ARHGAP35: variants seen among roughly 807,000 people sequenced by gnomAD.
ARHGAP35 encodes the protein rho GTPase-activating protein 35.
A neutral mutation model predicts 111.1 loss-of-function variants in ARHGAP35; 15 were observed. The ratio of observed to expected loss-of-function variants is 0.13; its 90% CI spans 0.09 to 0.21. The LOEUF (loss-of-function observed/expected upper bound fraction) is 0.21, where lower values mean the gene tolerates loss of function less well. ARHGAP35 is among the 10% of genes least tolerant of loss of function. The pLI is 1.00. For synonymous variants in ARHGAP35, 643 were observed against 710.3 expected (o/e 0.91, Z 1.51); for missense variants, 1,262 against 1,873.0 (o/e 0.67, Z 6.02).
At chr19:46,868,438 T>C (rs1014777904) in intron 1 of ARHGAP35, among the ~76,000 whole-genome samples, 14 of 152,350 alleles carry the variant, frequency 9.2e-5, no homozygotes, top group African/African-American at 3.4e-4. Context: ...GTCTGGCTCC[T>C]TGGGATGTGA....
At chr19:46,879,784 C>CAA (rs35769391) in intron 1 of ARHGAP35, among the ~76,000 whole-genome samples, 21 of 97,448 alleles carry the variant, frequency 2.2e-4, no homozygotes, top group East Asian at 5.5e-4. Context: ...ACTCTTGTCT[C>CAA]AAAAAAAAAA....
chr19:46,984,263 G>T (rs1367600454), intron 3 of ARHGAP35, among the ~76,000 whole-genome samples: 1 of 152,200 alleles, frequency 6.6e-6, no homozygotes, highest in Admixed American at 6.5e-5. Flanking sequence ...GTCACTGTTG[G>T]TAAGAATTCT....
chr19:46,967,625 ATCAGTGGTT>A (rs2056522946), intron 3 of ARHGAP35, among the ~76,000 whole-genome samples: 2 of 152,192 alleles, frequency 1.3e-5, no homozygotes, highest in African/African-American at 4.8e-5. Flanking sequence ...CTTAAAACTC[ATCAGTGGTT>A]CTGTATCACT....
chr19:46,971,291 A>G (rs2056546965), intron 3 of ARHGAP35, among the ~76,000 whole-genome samples: 1 of 151,754 alleles, frequency 6.6e-6, no homozygotes, highest in South Asian at 2.1e-4. Flanking sequence ...CTGTAGTCCC[A>G]GCTACTCGGG....
At chr19:46,894,790 C>T (rs547219847) in intron 1 of ARHGAP35, among the ~76,000 whole-genome samples, 28 of 152,146 alleles carry the variant, frequency 1.8e-4, no homozygotes, top group Middle Eastern at 6.8e-3. Context: ...TCTGCTGTCT[C>T]CTATGTCATG....
At chr19:46,884,747 A>G (rs1429784608) in intron 1 of ARHGAP35, among the ~76,000 whole-genome samples, 2 of 151,900 alleles carry the variant, frequency 1.3e-5, no homozygotes, top group Non-Finnish European at 2.9e-5. Context: ...TAGGCCTCCC[A>G]AAGTACTAAG....
chr19:46,898,257 A>T (rs1430816666), intron 1 of ARHGAP35, among the ~76,000 whole-genome samples: 1 of 151,574 alleles, frequency 6.6e-6, no homozygotes, highest in African/African-American at 2.4e-5. Context: ...AAAAAAAAAC[A>T]AAAAGAAGTG....
In ARHGAP35 at chr19:46,886,779, TC is replaced by T. The variant is rs1235972808; in HGVS notation, c.-189+25572del. Among the ~76,000 whole-genome samples, 7 of 135,142 alleles carry T rather than the reference TC, an allele frequency of 5.2e-5. No individual in the cohort carries two copies. The South Asian group carries it at 1.4e-3, about 27-fold the overall frequency. The allele number at this position is 135,142 out of a possible 152,430, so 88.7% of individuals were successfully genotyped here. ...GAATTTCTATCCTAATGCTTAAGAA[TC>T]CTTAGTGAAAATGTGGGAAAGAGGA... On this transcript the variant is annotated intron_variant, in intron 1 of 6. Transcript: ENST00000672722.
intron 3 of ARHGAP35, among the ~76,000 whole-genome samples, chr19:46,979,636 T>C (rs1181476720): frequency 6.6e-6 from 1 of 152,206 alleles, no homozygotes; most frequent in Non-Finnish European, 1.5e-5. Flanking sequence ...CCCCCAGACC[T>C]GGTGCGATGT....
At chr19:46,876,412 T>C (rs2055921859) in intron 1 of ARHGAP35, among the ~76,000 whole-genome samples, 2 of 151,886 alleles carry the variant, frequency 1.3e-5, no homozygotes, top group Non-Finnish European at 2.9e-5. Flanking sequence ...CTCACTCTGT[T>C]GCCCAGGCTG....
rs773156322 is a variant in ARHGAP35 at position 47,000,289 on chromosome 19, G to A, written c.4143-42G>A. The A allele has an allele frequency of 5.0e-6, 8 of 1,593,656 alleles. No individual in the cohort carries two copies. Among genetic ancestry groups the A allele is most frequent in the Middle Eastern group, 1.7e-4 (1 of 5,940 alleles). On this transcript the variant is annotated intron_variant, in intron 6 of 6. Coordinates refer to ENST00000672722, the MANE Select transcript of ARHGAP35 (RefSeq NM_004491.5). This position sits in a 1 kb window ranked among gnomAD's most constrained non-coding sequence, Gnocchi z 6.9. ...CCATGAGCGCCCAGGGCCAGGTGGG[G>A]CCCTGCACAGTTCTGACCATTGAGT... is the stretch of plus-strand genomic sequence containing the variant.
chr19:46,915,582 C>G (rs1162221670), intron 1 of ARHGAP35, among the ~76,000 whole-genome samples: 1 of 152,168 alleles, frequency 6.6e-6, no homozygotes, highest in African/African-American at 2.4e-5. Flanking sequence ...AGTGGCATTT[C>G]TTATGCAATA....
At chr19:46,883,297 G>T (rs946265293) in intron 1 of ARHGAP35, among the ~76,000 whole-genome samples, 1 of 150,302 alleles carries the variant, frequency 6.7e-6, no homozygotes, top group South Asian at 2.1e-4. Flanking sequence ...ACAGGGTTTC[G>T]CCATGTTGGC....
At chr19:46,892,431 A>T (rs1173341338) in intron 1 of ARHGAP35, among the ~76,000 whole-genome samples, 1 of 148,280 alleles carries the variant, frequency 6.7e-6, no homozygotes, top group Non-Finnish European at 1.5e-5. Flanking sequence ...TGATCACGCC[A>T]CTGTACTCCA....
intron 5 of ARHGAP35, among the ~76,000 whole-genome samples, chr19:46,997,096 G>T (rs761303704): frequency 1.3e-5 from 2 of 152,198 alleles, no homozygotes; most frequent in Non-Finnish European, 2.9e-5. Context: ...GGCAGAGGTT[G>T]CAGTGAGCTG....
intron 1 of ARHGAP35, among the ~76,000 whole-genome samples, chr19:46,889,108 C>T (rs2056010880): frequency 1.3e-5 from 2 of 152,018 alleles, no homozygotes; most frequent in Admixed American, 6.6e-5. Flanking sequence ...CACCCAAGGT[C>T]AGGAGTTCGA....
chr19:46,959,557 G>A (rs1187171774), intron 3 of ARHGAP35, among the ~76,000 whole-genome samples: 3 of 151,106 alleles, frequency 2.0e-5, no homozygotes, highest in Admixed American at 1.3e-4. Flanking sequence ...CCGCTACTAC[G>A]CCCAGCTGAT....
chr19:46,959,300 G>A (rs1568479880), intron 3 of ARHGAP35, among the ~76,000 whole-genome samples: 1 of 152,038 alleles, frequency 6.6e-6, no homozygotes, highest in Non-Finnish European at 1.5e-5. Context: ...CTGTGCTCAA[G>A]TGATTCGGCC....
At chr19:46,948,761 A>G (rs2056395262) in intron 3 of ARHGAP35, 1 of 152,240 alleles carries the variant, frequency 6.6e-6, no homozygotes, top group African/African-American at 2.4e-5. Context: ...GGAAGCTGGG[A>G]TGGCAAGAAG....
Sources: allele counts gnomAD v4.1 joint callset (sites outside exome capture counted in the v4.1 genomes callset), GRCh38; gene constraint gnomAD v4.1.1; non-coding constraint Gnocchi (gnomAD v3.1); transcripts MANE v1.5; gene names NCBI Gene and HGNC (gene_info 2026-07-23, HGNC 2026-07-21).